Variants in PTPRD observed in about 807,000 individuals in gnomAD.
The protein encoded by PTPRD is receptor-type tyrosine-protein phosphatase delta.
In PTPRD, 34 loss-of-function variants were observed where a neutral mutation model predicts 214.5. That is an observed-to-expected ratio of 0.16 (90% confidence interval 0.12 to 0.21). PTPRD has a LOEUF of 0.21. Among genes scored for constraint, PTPRD ranks in the 10% least tolerant of loss-of-function variants. PTPRD has a pLI of 1.00. For synonymous variants in PTPRD, 1,128 were observed against 845.7 expected, an observed-to-expected ratio of 1.33 and a Z score of -5.79; for missense variants, 2,545 against 2,398.7, an observed-to-expected ratio of 1.06 and a Z score of -1.27.
In PTPRD at chr9:10,482,171, A is replaced by G. The variant is rs528950913; in HGVS notation, c.-600+130227T>C. On this transcript the variant is annotated intron_variant, in intron 2 of 45. Transcript: ENST00000381196. ...AGAATCACGAGGTCAGGAGATTGAG[A>G]CCAGCCCGGCTAACACAGTGAAACC... 1.5e-3 allele frequency among the ~76,000 whole-genome samples: 231 copies of G among 152,210 alleles called. 4 individuals are homozygous for G. In the South Asian group the frequency reaches 0.016, roughly 11 times the overall value.
intron 11 of PTPRD, among the ~76,000 whole-genome samples, chr9:8,867,637 G>C (rs1380414110): frequency 6.6e-6 from 1 of 152,218 alleles, no homozygotes; most frequent in East Asian, 1.9e-4. Flanking sequence ...TTTCAGATAT[G>C]TGCTGGGTAG....
At chr9:9,341,379 C>T (rs552377202) in intron 9 of PTPRD, among the ~76,000 whole-genome samples, 3 of 152,044 alleles carry the variant, frequency 2.0e-5, no homozygotes, top group African/African-American at 4.8e-5. Flanking sequence ...AACTCATTAT[C>T]CCCCCAGGGC....
In PTPRD at chr9:8,316,192, C is replaced by CTT. The variant is rs1393184811; in HGVS notation, c.*1681_*1682insAA. 8.7e-6 allele frequency: 2 copies of CTT among 229,314 alleles called. No homozygotes were observed. Among genetic ancestry groups the CTT allele is most frequent in the Non-Finnish European group, 1.7e-5 (2 of 115,422 alleles). 14.2% of individuals were successfully genotyped at this position (229,314 alleles called of 1,614,324 possible). On this transcript the variant is annotated 3_prime_UTR_variant, in exon 46 of 46. Coordinates refer to ENST00000381196, the MANE Select transcript of PTPRD (RefSeq NM_002839.4). ...ACAATCACTAACATCCCCGACTTGG[C>CTT]TGAAAACTAGGAATGCATATTATTC...
chr9:9,214,760 C>A (rs550649296), intron 9 of PTPRD, among the ~76,000 whole-genome samples: 2 of 152,268 alleles, frequency 1.3e-5, no homozygotes, highest in South Asian at 4.2e-4. Flanking sequence ...TTCATACGTA[C>A]ATTTACATAG....
chr9:10,473,321 T>C (rs1050446761), intron 2 of PTPRD, among the ~76,000 whole-genome samples: 32 of 152,202 alleles, frequency 2.1e-4, no homozygotes, highest in African/African-American at 7.0e-4. Context: ...AAAAAGCACA[T>C]CTTCCCCTCA....
intron 3 of PTPRD, among the ~76,000 whole-genome samples, chr9:10,067,892 C>T (rs1186304788): frequency 6.6e-6 from 1 of 151,820 alleles, no homozygotes. Context: ...TGAAATACTC[C>T]CATTATGGTC....
chr9:10,487,126 T>C (rs2099137925), intron 2 of PTPRD, among the ~76,000 whole-genome samples: 1 of 152,154 alleles, frequency 6.6e-6, no homozygotes, highest in East Asian at 1.9e-4. Flanking sequence ...CTACTCTCAC[T>C]CTTCCTGGTT....
At chr9:8,944,665 G>C (rs2099053012) in intron 11 of PTPRD, among the ~76,000 whole-genome samples, 1 of 152,052 alleles carries the variant, frequency 6.6e-6, no homozygotes, top group Non-Finnish European at 1.5e-5. Context: ...GATACATTTT[G>C]CATGTTCACA....
intron 6 of PTPRD, among the ~76,000 whole-genome samples, chr9:9,746,757 A>T (rs191504688): frequency 6.6e-6 from 1 of 151,932 alleles, no homozygotes; most frequent in Non-Finnish European, 1.5e-5. Flanking sequence ...AGGAATGTCC[A>T]TCTTGGGTCA....
At chr9:10,081,292 T>C (rs1170968118) in intron 3 of PTPRD, among the ~76,000 whole-genome samples, 1 of 152,144 alleles carries the variant, frequency 6.6e-6, no homozygotes, top group Non-Finnish European at 1.5e-5. Context: ...GTTACCTAGA[T>C]ATTGAAGACT....
chr9:9,460,529 C>T (rs2093554608), intron 8 of PTPRD, among the ~76,000 whole-genome samples: 1 of 151,996 alleles, frequency 6.6e-6, no homozygotes. Context: ...AGGACATGAA[C>T]AGACACTTCT....
At chr9:9,274,601 CT>C (rs1944244355) in intron 9 of PTPRD, among the ~76,000 whole-genome samples, 1 of 151,186 alleles carries the variant, frequency 6.6e-6, no homozygotes, top group Non-Finnish European at 1.5e-5. Flanking sequence ...CCAAAAATGT[CT>C]TCATCCAACT....
At chr9:10,595,295 TAA>T (rs1311611360) in intron 2 of PTPRD, among the ~76,000 whole-genome samples, 1 of 151,812 alleles carries the variant, frequency 6.6e-6, no homozygotes, top group African/African-American at 2.4e-5. Context: ...AAATTAAAAA[TAA>T]AAAGAGATGA....
At chr9:9,991,869 C>CACA (rs990068291) in intron 4 of PTPRD, among the ~76,000 whole-genome samples, 10 of 146,490 alleles carry the variant, frequency 6.8e-5, no homozygotes, top group African/African-American at 2.5e-4. Flanking sequence ...CACACACACA[C>CACA]GAGTTCCAAA....
intron 44 of PTPRD, among the ~76,000 whole-genome samples, chr9:8,326,884 G>A (rs62533965): frequency 1.6e-3 from 222 of 139,806 alleles, no homozygotes; most frequent in East Asian, 0.016. Flanking sequence ...GTTTGTATTT[G>A]TGTGGGATCA....
intron 12 of PTPRD, among the ~76,000 whole-genome samples, chr9:8,668,651 A>C (rs2097216251): frequency 6.6e-6 from 1 of 152,224 alleles, no homozygotes. Context: ...GAAAAAATGC[A>C]GGCCGAAAAC....
intron 8 of PTPRD, among the ~76,000 whole-genome samples, chr9:9,429,529 GAATCCTCCCTTACTCATTTT>G (rs1226381053): frequency 1.3e-5 from 2 of 152,146 alleles, no homozygotes; most frequent in Non-Finnish European, 2.9e-5. Flanking sequence ...GAAAAAGAGG[GAATCCTCCCTTACTCATTTT>G]ATGAGGCCAG....
chr9:10,371,066 C>G (rs1203536134), intron 2 of PTPRD, among the ~76,000 whole-genome samples: 1 of 151,950 alleles, frequency 6.6e-6, no homozygotes, highest in East Asian at 1.9e-4. Flanking sequence ...CCCTATCCAA[C>G]CAAATTTGTG....
chr9:9,333,172 A>G (rs1043346770), intron 9 of PTPRD, among the ~76,000 whole-genome samples: 6 of 151,982 alleles, frequency 3.9e-5, no homozygotes, highest in African/African-American at 1.4e-4. Flanking sequence ...GAGATAATAT[A>G]GAATACATAG....
Sources: gnomAD v4.1 joint callset for allele counts (sites outside exome capture counted in the v4.1 genomes callset) on GRCh38, gnomAD v4.1.1 for gene constraint, MANE v1.5 for transcripts, NCBI Gene and HGNC (gene_info 2026-07-23, HGNC 2026-07-21) for gene names.